LRRC37A: variants seen among roughly 807,000 people sequenced by gnomAD.
LRRC37A encodes the protein leucine rich repeat containing 37A, also known as leucine-rich repeat-containing protein 37A.
In LRRC37A, 3 loss-of-function variants were observed where a neutral mutation model predicts 35.4. The observed-to-expected ratio is 0.08, with a 90% CI of 0.04 to 0.22. The LOEUF is 0.22. Ranked by LOEUF, LRRC37A falls within the 10% of genes least tolerant of loss-of-function variation. The pLI, the probability that LRRC37A is intolerant of heterozygous loss-of-function variation, is 1.00. For synonymous variants in LRRC37A, 23 were observed against 215.0 expected (o/e 0.11, Z 7.81); for missense variants, 67 against 565.3 (o/e 0.12, Z 8.94).
chr17:46,281,651 T>G, the LRRC37A span, among the ~76,000 whole-genome samples: 1 of 152,104 alleles, frequency 6.6e-6, no homozygotes, highest in African/African-American at 2.4e-5. Context: ...GTTGGGAATT[T>G]TTTCTTCTTC....
the LRRC37A span, among the ~76,000 whole-genome samples, chr17:46,264,763 G>T: frequency 1.3e-5 from 2 of 152,206 alleles, no homozygotes; most frequent in East Asian, 3.8e-4. Flanking sequence ...GGAGGCTCTG[G>T]GAGCCCCTGG....
At chr17:46,271,332 A>ATTTTTTTTTT in the LRRC37A span, among the ~76,000 whole-genome samples, 117 of 125,610 alleles carry the variant, frequency 9.3e-4, no homozygotes, top group African/African-American at 2.1e-3. Flanking sequence ...TACCTAGCTA[A>ATTTTTTTTTT]TTTTTTTTTT....
the LRRC37A span, among the ~76,000 whole-genome samples, chr17:46,285,558 A>G: frequency 6.6e-6 from 1 of 152,168 alleles, no homozygotes; most frequent in Non-Finnish European, 1.5e-5. Flanking sequence ...TGTCTTTCAT[A>G]AGGAAAATAA....
At chr17:46,268,062 A>G in the LRRC37A span, among the ~76,000 whole-genome samples, 91,634 of 151,636 alleles carry the variant, frequency 0.6, 28,734 homozygotes, top group South Asian at 0.73. Context: ...CACTGCGCCC[A>G]GCCCCACTCC....
the LRRC37A span, among the ~76,000 whole-genome samples, chr17:46,253,346 T>G: frequency 6.7e-6 from 1 of 149,646 alleles, no homozygotes; most frequent in African/African-American, 2.5e-5. Flanking sequence ...CCAGACGGGG[T>G]GGCGGCCGGG....
exon 9 of LRRC37A, chr17:46,331,575 A>C: frequency 6.2e-7 from 1 of 1,604,398 alleles, no homozygotes; most frequent in Non-Finnish European, 8.5e-7. Flanking sequence ...ACTGCATTCA[A>C]CTTAGGGCCA....
At chr17:46,251,167 C>T in the LRRC37A span, among the ~76,000 whole-genome samples, 1 of 152,204 alleles carries the variant, frequency 6.6e-6, no homozygotes. Flanking sequence ...ATTCTGCTTA[C>T]CTTAGTCCCG....
chr17:46,327,071 C>T lies in LRRC37A; in HGVS notation c.3054-1321C>T, dbSNP rs1412055609. ...ACATGCCTCTACTTTCTTTGATCTTCCATGACATTGGCATTTTTTAAGAGT... is the reference window on the plus strand; with the variant it reads ...ACATGCCTCTACTTTCTTTGATCTTTCATGACATTGGCATTTTTTAAGAGT... On this transcript the variant is annotated intron_variant, in intron 7 of 13. Transcript: ENST00000320254. Among the ~76,000 whole-genome samples the T allele has an allele frequency of 2.3e-4, 20 of 86,452 alleles. 9 individuals are homozygous for T. The highest frequency in any genetic ancestry group is 1.7e-3 in the Admixed American group (15 of 8,618). The allele number at this position is 86,452 out of a possible 152,430, so 56.7% of individuals were successfully genotyped here.
intron 7 of LRRC37A, among the ~76,000 whole-genome samples, chr17:46,325,607 T>C (rs1173794352): frequency 1.2e-5 from 1 of 81,574 alleles, no homozygotes; most frequent in Admixed American, 1.3e-4. Context: ...TTTTAAGCCA[T>C]GTTATGATTA....
the LRRC37A span, among the ~76,000 whole-genome samples, chr17:46,272,731 T>A: frequency 6.6e-6 from 1 of 152,236 alleles, no homozygotes; most frequent in South Asian, 2.1e-4. Flanking sequence ...TGTGTGTTTT[T>A]CAAAAATTAC....
the LRRC37A span, among the ~76,000 whole-genome samples, chr17:46,251,015 T>C: frequency 1.3e-5 from 2 of 152,168 alleles, no homozygotes; most frequent in South Asian, 4.1e-4. Flanking sequence ...CTCAGCCTCC[T>C]GAGAGCCCAG....
the LRRC37A span, among the ~76,000 whole-genome samples, chr17:46,287,684 G>A: frequency 0.14 from 21,593 of 151,742 alleles, 1,904 homozygotes; most frequent in Non-Finnish European, 0.22. Context: ...GGCCTGGCTA[G>A]TTAACGGGTA....
chr17:46,283,993 C>T, the LRRC37A span, among the ~76,000 whole-genome samples: 1 of 151,570 alleles, frequency 6.6e-6, no homozygotes, highest in Non-Finnish European at 1.5e-5. Flanking sequence ...GTCCCACCTC[C>T]AGCCCTAAGG....
At chr17:46,283,316 G>A in the LRRC37A span, among the ~76,000 whole-genome samples, 2 of 152,182 alleles carry the variant, frequency 1.3e-5, no homozygotes, top group South Asian at 2.1e-4. Flanking sequence ...GTACCCACAG[G>A]TTCCTTAATA....
At chr17:46,331,958 G>A (rs1358335353) in exon 9 of LRRC37A, 1 of 404,704 alleles carries the variant, frequency 2.5e-6, no homozygotes, top group East Asian at 3.5e-5. Flanking sequence ...AGCCCAGAGT[G>A]AACAGAAAGA....
the LRRC37A span, among the ~76,000 whole-genome samples, chr17:46,279,539 T>C: frequency 6.7e-6 from 1 of 148,186 alleles, no homozygotes; most frequent in African/African-American, 2.5e-5. Context: ...TCTTGTTGTG[T>C]CGTCCAGGCT....
the LRRC37A span, among the ~76,000 whole-genome samples, chr17:46,267,754 A>G: frequency 6.6e-6 from 1 of 152,170 alleles, no homozygotes; most frequent in East Asian, 1.9e-4. Context: ...CGGGCTGTCA[A>G]TAAATAGATG....
chr17:46,263,865 A>AAG, the LRRC37A span, among the ~76,000 whole-genome samples: 2 of 151,042 alleles, frequency 1.3e-5, no homozygotes, highest in African/African-American at 4.9e-5. Context: ...AAAAAAAAAA[A>AAG]AAAAAAAAAG....
At chr17:46,250,378 T>C in the LRRC37A span, among the ~76,000 whole-genome samples, 1 of 152,218 alleles carries the variant, frequency 6.6e-6, no homozygotes, top group African/African-American at 2.4e-5. Context: ...TACAAAATAT[T>C]GATCTTGGGT....
Sources: gnomAD v4.1 joint callset for allele counts (sites outside exome capture counted in the v4.1 genomes callset) on GRCh38, gnomAD v4.1.1 for gene constraint, MANE v1.5 for transcripts, NCBI Gene and HGNC (gene_info 2026-07-23, HGNC 2026-07-21) for gene names.